Variants in DOCK3 observed in about 807,000 individuals in gnomAD.
DOCK3 encodes dedicator of cytokinesis protein 3.
Under a neutral mutation model 265.6 loss-of-function variants are expected in DOCK3, and 60 were observed. That is an observed-to-expected ratio of 0.23 (90% CI 0.18 to 0.28). DOCK3 has a LOEUF of 0.28. Among genes scored for constraint, DOCK3 ranks in the 10% least tolerant of loss-of-function variants. DOCK3 has a pLI of 1.00. For missense variants in DOCK3, 1,981 were observed against 2,594.3 expected (o/e 0.76, Z 5.14); for synonymous variants, 881 against 938.0 (o/e 0.94, Z 1.11).
chr3:51,163,899 GA>G (rs1338201826), intron 12 of DOCK3, among the ~76,000 whole-genome samples: 1 of 151,880 alleles, frequency 6.6e-6, no homozygotes, highest in South Asian at 2.1e-4. Context: ...CAAATTTTAT[GA>G]AAAAATTTAT....
At position 50,685,077 on chromosome 3, in the gene DOCK3, A is replaced by G. The variant is rs572902461; in HGVS notation, c.37+9777A>G. 5.6e-4 allele frequency among the ~76,000 whole-genome samples: 86 copies of G among 152,236 alleles called. 2 individuals carry two copies. The South Asian group carries it at 0.011, about 19-fold the overall frequency. ...AGGCATTTAAAATAAATTTGGAACCATACTGCTTATATTGTCTTATAATCT... is the reference window on the plus strand; with the variant it reads ...AGGCATTTAAAATAAATTTGGAACCGTACTGCTTATATTGTCTTATAATCT... On this transcript the variant is annotated intron_variant, in intron 1 of 52. Transcript: ENST00000266037.
intron 1 of DOCK3, among the ~76,000 whole-genome samples, chr3:50,690,443 G>A (rs926701609): frequency 1.3e-5 from 2 of 152,030 alleles, no homozygotes; most frequent in African/African-American, 2.4e-5. Context: ...CCATTTTGAA[G>A]TATATAGTTC....
intron 1 of DOCK3, among the ~76,000 whole-genome samples, chr3:50,722,633 A>G (rs2037542917): frequency 6.6e-6 from 1 of 152,238 alleles, no homozygotes; most frequent in African/African-American, 2.4e-5. Context: ...AAAATAGTCA[A>G]TAGAAGTAGC....
intron 38 of DOCK3, among the ~76,000 whole-genome samples, chr3:51,345,627 AAAAC>A (rs746473495): frequency 3.3e-5 from 5 of 152,250 alleles, no homozygotes; most frequent in African/African-American, 4.8e-5. Flanking sequence ...GTTTCCAAAA[AAAAC>A]AAACAAACAA....
intron 27 of DOCK3, among the ~76,000 whole-genome samples, chr3:51,286,328 TG>T: frequency 6.6e-6 from 1 of 152,098 alleles, no homozygotes; most frequent in Non-Finnish European, 1.5e-5. Context: ...CACAAACAAA[TG>T]GAAAAACATT....
chr3:51,255,903 G>A (rs763528869), intron 22 of DOCK3, among the ~76,000 whole-genome samples: 1 of 152,180 alleles, frequency 6.6e-6, no homozygotes, highest in Non-Finnish European at 1.5e-5. Flanking sequence ...TCTTTGTTCT[G>A]TTGCTGGCGA....
At chr3:50,837,321 A>G (rs2045569421) in intron 2 of DOCK3, among the ~76,000 whole-genome samples, 1 of 152,218 alleles carries the variant, frequency 6.6e-6, no homozygotes, top group Non-Finnish European at 1.5e-5. Context: ...GGTAATTTAT[A>G]AAGAAAAGAG....
chr3:51,191,260 G>A (rs1290677274), intron 12 of DOCK3, among the ~76,000 whole-genome samples: 3 of 152,134 alleles, frequency 2.0e-5, no homozygotes, highest in Non-Finnish European at 2.9e-5. Flanking sequence ...CCCTGGTTCT[G>A]GGCAAGGGAG....
intron 1 of DOCK3, among the ~76,000 whole-genome samples, chr3:50,772,155 A>G (rs2041315738): frequency 6.6e-6 from 1 of 152,228 alleles, no homozygotes; most frequent in African/African-American, 2.4e-5. Flanking sequence ...CATGGGTGAA[A>G]CTGAAGATCA....
rs2355940 is a variant in DOCK3 at position 51,220,709 on chromosome 3, G to A, written c.1253-4940G>A. On this transcript the variant is annotated intron_variant, in intron 14 of 52. Transcript: ENST00000266037. ...TATATGTGTGTGTGTGTGTGTGTGT[G>A]TATATATATATATATATATATATAA... 8.8e-4 allele frequency among the ~76,000 whole-genome samples: 117 copies of A among 132,378 alleles called. 1 individual carries two copies. The highest frequency in any genetic ancestry group is 3.6e-3 in the Middle Eastern group (1 of 274). 86.8% of individuals were successfully genotyped at this position (132,378 alleles called of 152,430 possible).
intron 9 of DOCK3, among the ~76,000 whole-genome samples, chr3:51,107,156 A>G (rs1437882896): frequency 1.3e-5 from 2 of 152,194 alleles, no homozygotes; most frequent in Non-Finnish European, 2.9e-5. Flanking sequence ...CTTATATCAC[A>G]ATCAAACCCC....
At chr3:51,312,164 A>G in intron 29 of DOCK3, 85 bp downstream of exon 29, 2 of 1,195,170 alleles carry the variant, frequency 1.7e-6, no homozygotes, top group Non-Finnish European at 2.4e-6. Flanking sequence ...TGCTTTATTA[A>G]TAGATTCATA....
chr3:51,287,132 G>A (rs1305835566), intron 27 of DOCK3, among the ~76,000 whole-genome samples: 1 of 152,082 alleles, frequency 6.6e-6, no homozygotes, highest in Non-Finnish European at 1.5e-5. Context: ...AAACAACTCT[G>A]TTAAAAAGTG....
At chr3:51,220,987 C>A (rs57164594) in intron 14 of DOCK3, among the ~76,000 whole-genome samples, 3,779 of 151,944 alleles carry the variant, frequency 0.025, 185 homozygotes, top group African/African-American at 0.086. Context: ...AGCTGGACTT[C>A]AGAGGTTGGG....
chr3:51,291,715 TGAA>T (rs1395792241), intron 27 of DOCK3, among the ~76,000 whole-genome samples: 1 of 152,118 alleles, frequency 6.6e-6, no homozygotes, highest in Non-Finnish European at 1.5e-5. Context: ...TCTTAAAAAT[TGAA>T]GAGGAGGGAA....
At chr3:50,971,989 C>T (rs1322949202) in intron 5 of DOCK3, among the ~76,000 whole-genome samples, 2 of 152,238 alleles carry the variant, frequency 1.3e-5, no homozygotes, top group Non-Finnish European at 2.9e-5. Flanking sequence ...CCCTGTCATG[C>T]TCTTGTCCAG....
intron 27 of DOCK3, among the ~76,000 whole-genome samples, chr3:51,284,913 C>T (rs958661203): frequency 1.3e-5 from 2 of 152,196 alleles, no homozygotes; most frequent in African/African-American, 2.4e-5. Flanking sequence ...AAGAGGTAGA[C>T]ATACAACGTT....
At chr3:51,355,571 C>G (rs572031129) in intron 41 of DOCK3, among the ~76,000 whole-genome samples, 1 of 152,322 alleles carries the variant, frequency 6.6e-6, no homozygotes, top group Admixed American at 6.5e-5. Flanking sequence ...TCACCTTTCA[C>G]ACACAGCTTC....
chr3:51,003,470 A>G (rs2078556128), intron 5 of DOCK3, among the ~76,000 whole-genome samples: 1 of 152,252 alleles, frequency 6.6e-6, no homozygotes. Flanking sequence ...TACCAAAACA[A>G]TTCATAGAGC....
Sources: gnomAD v4.1 joint callset for allele counts (sites outside exome capture counted in the v4.1 genomes callset) on GRCh38, gnomAD v4.1.1 for gene constraint, MANE v1.5 for transcripts, NCBI Gene and HGNC (gene_info 2026-07-23, HGNC 2026-07-21) for gene names.